The following UBTD1 variants were observed in gnomAD, a reference collection of about 807,000 sequenced individuals.
The protein encoded by UBTD1 is ubiquitin domain-containing protein 1.
UBTD1 carries 19 observed loss-of-function variants against 21.7 expected under a neutral mutation model. The ratio of observed to expected loss-of-function variants is 0.87; its 90% CI spans 0.61 to 1.28. The LOEUF is 1.28. Ranked by LOEUF, UBTD1 falls within the 50% of genes most tolerant of loss-of-function variation. The pLI, the probability that UBTD1 is intolerant of heterozygous loss-of-function variation, is 0.00. For synonymous variants in UBTD1, 116 were observed against 135.1 expected (o/e 0.86, Z 0.98); for missense variants, 282 against 315.1 (o/e 0.89, Z 0.80).
intron 1 of UBTD1, among the ~76,000 whole-genome samples, chr10:97,512,371 A>G (rs528041000): frequency 6.6e-6 from 1 of 152,274 alleles, no homozygotes; most frequent in South Asian, 2.1e-4. Flanking sequence ...ATACTCTCAT[A>G]TCAGATCCAC....
At chr10:97,508,599 A>C (rs1430898462) in intron 1 of UBTD1, among the ~76,000 whole-genome samples, 1 of 150,922 alleles carries the variant, frequency 6.6e-6, no homozygotes, top group Non-Finnish European at 1.5e-5. Flanking sequence ...CCCCACCCCC[A>C]TGGAAAGAAG....
chr10:97,501,184 C>CA (rs1398659345), intron 1 of UBTD1, among the ~76,000 whole-genome samples: 3 of 152,228 alleles, frequency 2.0e-5, no homozygotes, highest in African/African-American at 7.2e-5. Context: ...AGGTACCCCC[C>CA]AAAGGCAACT....
At chr10:97,560,791 G>A (rs2040688940) in intron 1 of UBTD1, among the ~76,000 whole-genome samples, 1 of 151,838 alleles carries the variant, frequency 6.6e-6, no homozygotes, top group Non-Finnish European at 1.5e-5. Flanking sequence ...CCTGGCCCAT[G>A]CTTCTTTGAG....
intron 1 of UBTD1, among the ~76,000 whole-genome samples, chr10:97,529,094 G>C (rs1589873481): frequency 6.6e-6 from 1 of 151,804 alleles, no homozygotes; most frequent in Admixed American, 6.5e-5. Flanking sequence ...ACAGGGTCGC[G>C]GCCGGCCGAG....
chr10:97,519,770 G>A (rs760668670), intron 1 of UBTD1, among the ~76,000 whole-genome samples: 1 of 152,218 alleles, frequency 6.6e-6, no homozygotes, highest in Non-Finnish European at 1.5e-5. Flanking sequence ...AGGTGGGGGT[G>A]TATATGGGAA....
Position 97,570,119 on chromosome 10 carries a change from A to G in UBTD1, c.299-19A>G, listed in dbSNP as rs532623660. 6.9e-5 allele frequency: 109 copies of G among 1,583,618 alleles called. No homozygotes were observed. The African/African-American group carries it at 1.2e-3, about 18-fold the overall frequency. On this transcript the variant is annotated intron_variant, in intron 2 of 2. Transcript: ENST00000370664. This position sits in a 1 kb window ranked among gnomAD's most constrained non-coding sequence, Gnocchi z 6.6. The stretch of plus-strand genomic sequence containing the variant: ...AGTGGATCCCCAAGCTGACTCTGAC[A>G]GCCCTGCCTCTCCTACAGGCACCCT...
chr10:97,559,366 A>G (rs560129508), intron 1 of UBTD1, among the ~76,000 whole-genome samples: 2 of 152,360 alleles, frequency 1.3e-5, no homozygotes, highest in East Asian at 3.8e-4. Flanking sequence ...TAAAGTGCAG[A>G]TGGAATATTT....
chr10:97,533,002 T>C (rs1030524046), intron 1 of UBTD1, among the ~76,000 whole-genome samples: 2 of 152,336 alleles, frequency 1.3e-5, no homozygotes, highest in African/African-American at 2.4e-5. Context: ...AGGAGTGCTT[T>C]GCATCCACTT....
intron 1 of UBTD1, among the ~76,000 whole-genome samples, chr10:97,507,774 CAAAAAAA>C (rs61128714): frequency 1.7e-5 from 1 of 59,542 alleles, no homozygotes; most frequent in African/African-American, 6.5e-5. Context: ...GACTCCGTCT[CAAAAAAA>C]AAAAAAAAAA....
At chr10:97,563,894 G>T (rs2135688216) in intron 1 of UBTD1, among the ~76,000 whole-genome samples, 1 of 152,266 alleles carries the variant, frequency 6.6e-6, no homozygotes, top group East Asian at 1.9e-4. Context: ...AAGGATTACT[G>T]TTATCCTTTA....
intron 1 of UBTD1, among the ~76,000 whole-genome samples, chr10:97,543,974 G>T (rs1228340057): frequency 6.6e-6 from 1 of 152,044 alleles, no homozygotes; most frequent in Non-Finnish European, 1.5e-5. Flanking sequence ...ACAAGGATGG[G>T]TGAGACGGTA....
At chr10:97,499,405 C>G in intron 1 of UBTD1, 132 bp downstream of exon 1, 1 of 1,160,088 alleles carries the variant, frequency 8.6e-7, no homozygotes, top group Non-Finnish European at 1.2e-6. Flanking sequence ...TGCTCCGCAG[C>G]CAGAGGGGGC....
intron 1 of UBTD1, among the ~76,000 whole-genome samples, chr10:97,528,627 A>C (rs1266980481): frequency 1.7e-5 from 1 of 60,330 alleles, no homozygotes; most frequent in Non-Finnish European, 3.3e-5. Context: ...GGGGGGCTGA[A>C]CCCCCACCTC....
intron 1 of UBTD1, among the ~76,000 whole-genome samples, chr10:97,512,088 G>A (rs925348212): frequency 7.9e-5 from 12 of 152,218 alleles, no homozygotes; most frequent in African/African-American, 2.9e-4. Flanking sequence ...ACAGCATGGA[G>A]AGTCAGTTCA....
At chr10:97,499,296 G>T in intron 1 of UBTD1, 23 bp downstream of exon 1, 4 of 1,544,600 alleles carry the variant, frequency 2.6e-6, no homozygotes, top group Non-Finnish European at 3.5e-6. Flanking sequence ...AAGGGAGCAG[G>T]GCCTCGGGCA....
chr10:97,514,878 G>T (rs2040438020), intron 1 of UBTD1, among the ~76,000 whole-genome samples: 2 of 152,134 alleles, frequency 1.3e-5, no homozygotes, highest in South Asian at 4.2e-4. Flanking sequence ...TTCCACTTAT[G>T]TCCTGGGGTC....
intron 1 of UBTD1, among the ~76,000 whole-genome samples, chr10:97,527,948 C>A (rs1336903612): frequency 2.0e-5 from 3 of 152,168 alleles, no homozygotes; most frequent in Admixed American, 2.0e-4. Context: ...GGCCCGTTCT[C>A]AATGAGCTGC....
In UBTD1 at chr10:97,564,673, C is replaced by T. The variant is rs536539249; in HGVS notation, c.71-3241C>T. Among the ~76,000 whole-genome samples, 8 of 152,314 alleles carry T rather than the reference C, an allele frequency of 5.3e-5. 1 individual carries two copies. In the South Asian group the frequency reaches 1.5e-3, roughly 28 times the overall value. The stretch of plus-strand genomic sequence containing the variant: ...CAGCCTCCCAAGTTCAAGTGATTCT[C>T]CTGCCTCAGCCTCCTGAGTAGCTGG... On this transcript the variant is annotated intron_variant, in intron 1 of 2. Coordinates refer to ENST00000370664, the MANE Select transcript of UBTD1 (RefSeq NM_024954.5).
At chr10:97,555,672 C>A (rs1195959287) in intron 1 of UBTD1, among the ~76,000 whole-genome samples, 1 of 150,498 alleles carries the variant, frequency 6.6e-6, no homozygotes. Context: ...ACGTGACGGG[C>A]TGCATGCACC....
Sources: gnomAD v4.1 joint callset for allele counts (sites outside exome capture counted in the v4.1 genomes callset) on GRCh38, gnomAD v4.1.1 for gene constraint, Gnocchi (gnomAD v3.1) non-coding constraint, MANE v1.5 for transcripts, NCBI Gene and HGNC (gene_info 2026-07-23, HGNC 2026-07-21) for gene names.